Variants in LRRC7 observed in about 807,000 individuals in gnomAD.
The protein encoded by LRRC7 is leucine rich repeat containing 7, also known as leucine-rich repeat-containing protein 7.
Under a neutral mutation model 175.7 loss-of-function variants are expected in LRRC7, and 23 were observed. That is an observed-to-expected ratio of 0.13 (90% CI 0.09 to 0.19). The LOEUF is 0.19. Among genes scored for constraint, LRRC7 ranks in the 10% least tolerant of loss-of-function variants. The pLI is 1.00. For missense variants in LRRC7, 1,354 were observed against 1,904.7 expected (o/e 0.71, Z 5.38); for synonymous variants, 685 against 680.9 (o/e 1.01, Z -0.09).
At chr1:69,887,834 A>C (rs1472027453) in intron 7 of LRRC7, among the ~76,000 whole-genome samples, 9 of 146,872 alleles carry the variant, frequency 6.1e-5, no homozygotes, top group South Asian at 4.4e-4. Context: ...TTTCCTTCTA[A>C]CAGACAGGAC....
intron 8 of LRRC7, among the ~76,000 whole-genome samples, chr1:69,966,523 G>T (rs926660240): frequency 3.3e-5 from 5 of 152,140 alleles, no homozygotes; most frequent in African/African-American, 1.2e-4. Context: ...ATCCAAATTG[G>T]TAGATTAATA....
chr1:69,954,651 C>G (rs1370050425), intron 8 of LRRC7, among the ~76,000 whole-genome samples: 1 of 151,968 alleles, frequency 6.6e-6, no homozygotes, highest in East Asian at 1.9e-4. Context: ...CTCTTACTGA[C>G]TGGGTAATGT....
chr1:69,739,679 C>G (rs574834870), intron 2 of LRRC7, among the ~76,000 whole-genome samples: 40 of 152,118 alleles, frequency 2.6e-4, no homozygotes, highest in Admixed American at 6.6e-4. Context: ...TACTGGTTAA[C>G]TGGACAATTT....
At chr1:69,979,991 A>G (rs1374150879) in intron 8 of LRRC7, among the ~76,000 whole-genome samples, 6 of 152,086 alleles carry the variant, frequency 3.9e-5, no homozygotes, top group Admixed American at 1.3e-4. Context: ...ATGGTAAGCA[A>G]CAGGGATGTG....
At chr1:69,833,365 A>G (rs1680745188) in intron 5 of LRRC7, among the ~76,000 whole-genome samples, 1 of 152,112 alleles carries the variant, frequency 6.6e-6, no homozygotes, top group Non-Finnish European at 1.5e-5. Flanking sequence ...CTGTTTCAAA[A>G]CAGAGTAGTA....
At chr1:70,067,485 G>A (rs1309740829) in intron 23 of LRRC7, among the ~76,000 whole-genome samples, 1 of 151,970 alleles carries the variant, frequency 6.6e-6, no homozygotes, top group African/African-American at 2.4e-5. Context: ...ATTAGTCTAT[G>A]TGTCTATCCC....
At chr1:69,817,449 G>A (rs1388076307) in intron 4 of LRRC7, among the ~76,000 whole-genome samples, 1 of 151,852 alleles carries the variant, frequency 6.6e-6, no homozygotes, top group African/African-American at 2.4e-5. Context: ...TATATATGTG[G>A]CTTTTTTTCT....
chr1:69,830,244 T>C (rs1225957574), intron 5 of LRRC7, among the ~76,000 whole-genome samples: 1 of 151,804 alleles, frequency 6.6e-6, no homozygotes, highest in African/African-American at 2.4e-5. Flanking sequence ...ACTAGTAAAT[T>C]ACAGTACATC....
chr1:69,835,221 T>C (rs753604484), intron 6 of LRRC7, among the ~76,000 whole-genome samples: 2 of 151,870 alleles, frequency 1.3e-5, no homozygotes, highest in Non-Finnish European at 2.9e-5. Flanking sequence ...CATAAATGGA[T>C]ACAATACATA....
At chr1:69,776,158 G>A (rs1295900493) in intron 3 of LRRC7, among the ~76,000 whole-genome samples, 3 of 152,078 alleles carry the variant, frequency 2.0e-5, no homozygotes, top group Non-Finnish European at 2.9e-5. Context: ...GGAGAATATA[G>A]CATCTACCTT....
At chr1:69,815,847 T>A (rs888169281) in intron 4 of LRRC7, among the ~76,000 whole-genome samples, 4 of 152,182 alleles carry the variant, frequency 2.6e-5, no homozygotes, top group Admixed American at 2.0e-4. Context: ...TCAATTGGCA[T>A]ATGGCCCATA....
intron 23 of LRRC7, among the ~76,000 whole-genome samples, chr1:70,056,788 T>G (rs1661187595): frequency 6.6e-6 from 1 of 152,090 alleles, no homozygotes; most frequent in Non-Finnish European, 1.5e-5. Flanking sequence ...TAGACAGGGC[T>G]CTCAATTTCA....
In LRRC7 at chr1:70,122,191, G is replaced by A. The variant is rs768469252; in HGVS notation, c.*304G>A. The stretch of plus-strand genomic sequence containing the variant: ...CTCAAAATGGATTTCATATAATTTC[G>A]GAGCACGGAAGCACACACAAGCTCT... On this transcript the variant is annotated 3_prime_UTR_variant, in exon 27 of 27. Transcript: ENST00000651989. 8 of 210,174 alleles carry A rather than the reference G, an allele frequency of 3.8e-5. No individual in the cohort carries two copies. The highest frequency in any genetic ancestry group is 1.3e-4 in the East Asian group (1 of 7,430). The allele number at this position is 210,174 out of a possible 1,614,324, so 13.0% of individuals were successfully genotyped here.
chr1:69,655,005 T>G (rs1261418605), intron 1 of LRRC7, among the ~76,000 whole-genome samples: 1 of 152,136 alleles, frequency 6.6e-6, no homozygotes, highest in Non-Finnish European at 1.5e-5. Context: ...GGTTTTCCCC[T>G]AAGCTGGTGC....
chr1:69,781,787 AAGGAAGGAAGGAAGG>A (rs1304379008), intron 3 of LRRC7, among the ~76,000 whole-genome samples: 1 of 23,748 alleles, frequency 4.2e-5, no homozygotes, highest in Non-Finnish European at 7.5e-5. Context: ...GAAAGAAAGA[AAGGAAGGAAGGAAGG>A]AAGGAAGGAA....
intron 1 of LRRC7, among the ~76,000 whole-genome samples, chr1:69,625,845 C>T (rs192577928): frequency 0.012 from 1,750 of 152,158 alleles, 24 homozygotes; most frequent in Admixed American, 0.016. Context: ...TTGCTAAATT[C>T]CAAATATTTG....
At chr1:70,112,518 T>C (rs1665590907) in intron 26 of LRRC7, among the ~76,000 whole-genome samples, 1 of 152,206 alleles carries the variant, frequency 6.6e-6, no homozygotes, top group African/African-American at 2.4e-5. Flanking sequence ...CTTGATTTTG[T>C]GATGTATCTA....
chr1:70,126,791 A>C lies in LRRC7; in HGVS notation c.*4904A>C, dbSNP rs1277996865. ...CCAAGATGCACCACTTGTACAAACT[A>C]AGGTAGATGCAATCAAGTTTTCCAG... On this transcript the variant is annotated 3_prime_UTR_variant, in exon 27 of 27. Coordinates refer to ENST00000651989, the MANE Select transcript of LRRC7 (RefSeq NM_001370785.2). Among the ~76,000 whole-genome samples, 2 of 152,194 alleles carry C rather than the reference A, an allele frequency of 1.3e-5. No homozygotes were observed. The highest frequency in any genetic ancestry group is 3.9e-4 in the East Asian group (2 of 5,192).
In LRRC7 at chr1:69,760,409, C is replaced by A. The variant is rs769222971; in HGVS notation, c.303+16C>A. 6 of 1,586,524 alleles carry A rather than the reference C, an allele frequency of 3.8e-6. No homozygotes were observed. The highest frequency in any genetic ancestry group is 5.2e-6 in the Non-Finnish European group (6 of 1,155,854). ...ACTACCCAAGGTAACTTTTGACAAC[C>A]TAAAATATACAATGTAAATGAGTAT... is the stretch of plus-strand genomic sequence containing the variant. On this transcript the variant is annotated intron_variant, in intron 3 of 26. Transcript: ENST00000651989.
Sources: allele counts gnomAD v4.1 joint callset (sites outside exome capture counted in the v4.1 genomes callset), GRCh38; gene constraint gnomAD v4.1.1; transcripts MANE v1.5; gene names NCBI Gene and HGNC (gene_info 2026-07-23, HGNC 2026-07-21).